GRID2: variants seen among roughly 807,000 people sequenced by gnomAD.
The protein encoded by GRID2 is glutamate receptor ionotropic, delta-2.
In GRID2, 33 loss-of-function variants were observed where a neutral mutation model predicts 114.8. The observed-to-expected ratio is 0.29, with a 90% CI of 0.22 to 0.38. GRID2 has a LOEUF of 0.38. Ranked by LOEUF, GRID2 falls within the 10% of genes least tolerant of loss-of-function variation. The pLI is 1.00. For missense variants in GRID2, 1,184 were observed against 1,257.7 expected (o/e 0.94, Z 0.89); for synonymous variants, 505 against 449.9 (o/e 1.12, Z -1.55).
chr4:92,890,139 GA>G (rs1746655868), intron 2 of GRID2, among the ~76,000 whole-genome samples: 1 of 152,060 alleles, frequency 6.6e-6, no homozygotes, highest in Non-Finnish European at 1.5e-5. Context: ...AGACTTAAAC[GA>G]AAGGCCTAAA....
chr4:93,260,122 T>C (rs1401660030), intron 8 of GRID2, among the ~76,000 whole-genome samples: 1 of 151,746 alleles, frequency 6.6e-6, no homozygotes, highest in Non-Finnish European at 1.5e-5. Flanking sequence ...ATTTTGGAAG[T>C]GTGTTATAAA....
At chr4:92,983,679 GA>G (rs1424997539) in intron 2 of GRID2, among the ~76,000 whole-genome samples, 11 of 151,840 alleles carry the variant, frequency 7.2e-5, no homozygotes, top group Admixed American at 3.3e-4. Context: ...CTTTAAGATG[GA>G]AAACACCTAT....
At chr4:93,073,892 CAT>C (rs1729033287) in intron 2 of GRID2, among the ~76,000 whole-genome samples, 1 of 152,204 alleles carries the variant, frequency 6.6e-6, no homozygotes, top group South Asian at 2.1e-4. Context: ...CCAAGTTGCA[CAT>C]GACCTGTGTG....
rs540467647 is a variant in GRID2 at position 92,388,456 on chromosome 4, G to T, written c.88+83712G>T. 2.0e-5 allele frequency among the ~76,000 whole-genome samples: 3 copies of T among 151,830 alleles called. No individual in the cohort carries two copies. The Admixed American group carries it at 2.0e-4, about 10-fold the overall frequency. On this transcript the variant is annotated intron_variant, in intron 1 of 15. Coordinates refer to ENST00000282020, the MANE Select transcript of GRID2 (RefSeq NM_001510.4). ...TGCCTCCTACACCTTGCCATGACTA[G>T]ATCTTCTGAAGGTTAATGTAATTCC...
intron 2 of GRID2, among the ~76,000 whole-genome samples, chr4:92,659,456 G>A (rs1324406461): frequency 2.6e-5 from 4 of 151,330 alleles, no homozygotes; most frequent in African/African-American, 4.8e-5. Flanking sequence ...TTCAGATCTC[G>A]ACTTTAGAAT....
Position 92,738,737 on chromosome 4 carries a change from G to A in GRID2, c.244+148451G>A, listed in dbSNP as rs76096468. ...CATGATCATAGCTCACTGCAGCACT[G>A]AACTCCTAGGCTTAAGTGATTCTCC... On this transcript the variant is annotated intron_variant, in intron 2 of 15. Transcript: ENST00000282020. Among the ~76,000 whole-genome samples, 823 of 152,048 alleles carry A rather than the reference G, an allele frequency of 5.4e-3. 11 individuals carry two copies. Among genetic ancestry groups the A allele is most frequent in the African/African-American group, 0.019 (780 of 41,476 alleles).
At chr4:93,160,817 G>A (rs1737623527) in intron 4 of GRID2, among the ~76,000 whole-genome samples, 1 of 151,800 alleles carries the variant, frequency 6.6e-6, no homozygotes, top group African/African-American at 2.4e-5. Context: ...CTGGGAACTA[G>A]CTAGAAATGC....
chr4:93,571,320 A>G (rs1273930652), intron 13 of GRID2, among the ~76,000 whole-genome samples: 2 of 152,114 alleles, frequency 1.3e-5, no homozygotes. Context: ...ATTTTTCCCC[A>G]GAAGTATGTG....
intron 1 of GRID2, among the ~76,000 whole-genome samples, chr4:92,568,127 G>T (rs1360510942): frequency 6.6e-6 from 1 of 151,964 alleles, no homozygotes; most frequent in Non-Finnish European, 1.5e-5. Flanking sequence ...GTGTTTTTCT[G>T]TAAGAGAAGG....
chr4:92,878,230 C>T (rs1210177386), intron 2 of GRID2, among the ~76,000 whole-genome samples: 2 of 152,262 alleles, frequency 1.3e-5, no homozygotes, highest in Middle Eastern at 3.4e-3. Context: ...ATTAATTCTC[C>T]ATTAAAAATG....
At chr4:93,398,526 G>A (rs1258144095) in intron 9 of GRID2, among the ~76,000 whole-genome samples, 1 of 151,824 alleles carries the variant, frequency 6.6e-6, no homozygotes, top group Non-Finnish European at 1.5e-5. Context: ...TAAGGTGAAA[G>A]TGAGTTTTAT....
At chr4:92,756,930 T>C (rs1305237241) in intron 2 of GRID2, among the ~76,000 whole-genome samples, 1 of 152,120 alleles carries the variant, frequency 6.6e-6, no homozygotes, top group African/African-American at 2.4e-5. Flanking sequence ...ATTGTTTCCT[T>C]GCTGTGCAGA....
intron 2 of GRID2, among the ~76,000 whole-genome samples, chr4:92,623,388 C>CA (rs1196204510): frequency 2.6e-5 from 4 of 151,132 alleles, no homozygotes; most frequent in Non-Finnish European, 4.4e-5. Context: ...TTAATACCAT[C>CA]AAAAAAATCA....
chr4:92,756,344 T>G (rs981222472), intron 2 of GRID2, among the ~76,000 whole-genome samples: 1 of 152,182 alleles, frequency 6.6e-6, no homozygotes, highest in Non-Finnish European at 1.5e-5. Context: ...TTTCATCTCT[T>G]GACGGACACT....
chr4:93,541,921 G>C (rs996192962), intron 13 of GRID2, among the ~76,000 whole-genome samples: 1 of 152,066 alleles, frequency 6.6e-6, no homozygotes, highest in South Asian at 2.1e-4. Flanking sequence ...ATAAGTTATG[G>C]AAGACTTGAA....
chr4:93,702,799 G>A (rs1370384890), intron 14 of GRID2, among the ~76,000 whole-genome samples: 1 of 152,130 alleles, frequency 6.6e-6, no homozygotes, highest in Non-Finnish European at 1.5e-5. Context: ...AGTAAACCAA[G>A]TTTATAAAAC....
intron 12 of GRID2, among the ~76,000 whole-genome samples, chr4:93,510,872 A>T (rs927524791): frequency 6.6e-6 from 1 of 152,206 alleles, no homozygotes. Flanking sequence ...TCAATGTTAA[A>T]GCTATTGCTG....
rs570379560 is a variant in GRID2, at chr4:92,738,437, A to C, written c.244+148151A>C. 2.3e-3 allele frequency among the ~76,000 whole-genome samples: 348 copies of C among 152,254 alleles called. 4 individuals are homozygous for C. Among genetic ancestry groups the C allele is most frequent in the Non-Finnish European group, 9.3e-4 (63 of 67,996 alleles). On this transcript the variant is annotated intron_variant, in intron 2 of 15. Transcript: ENST00000282020. ...TTTCCTTGGTTGTTGCAGTCCTTCC[A>C]TTTGTTTTAATATCTCATCTATTAT... is the stretch of plus-strand genomic sequence containing the variant.
chr4:92,805,144 A>C (rs572860305), intron 2 of GRID2, among the ~76,000 whole-genome samples: 32 of 152,128 alleles, frequency 2.1e-4, no homozygotes, highest in African/African-American at 7.2e-4. Flanking sequence ...AAATTTGCTT[A>C]TGTTTATCCT....
Sources: allele counts gnomAD v4.1 joint callset (sites outside exome capture counted in the v4.1 genomes callset), GRCh38; gene constraint gnomAD v4.1.1; transcripts MANE v1.5; gene names NCBI Gene and HGNC (gene_info 2026-07-23, HGNC 2026-07-21).